Variants in LRRC4C observed in about 807,000 individuals in gnomAD.
LRRC4C encodes leucine rich repeat containing 4C.
A neutral mutation model predicts 33.6 loss-of-function variants in LRRC4C; 5 were observed. The observed-to-expected ratio is 0.15, with a 90% CI of 0.08 to 0.31. The LOEUF is 0.31. Among genes scored for constraint, LRRC4C ranks in the 10% least tolerant of loss-of-function variants. LRRC4C has a pLI of 1.00. For missense variants in LRRC4C, 560 were observed against 796.7 expected (o/e 0.70, Z 3.58); for synonymous variants, 329 against 302.0 (o/e 1.09, Z -0.93).
chr11:40,936,482 G>A (rs967172017), intron 1 of LRRC4C, among the ~76,000 whole-genome samples: 4 of 151,384 alleles, frequency 2.6e-5, no homozygotes, highest in East Asian at 2.0e-4. Context: ...GACTACAGGC[G>A]CCCGCCACCA....
chr11:40,597,260 T>C (rs1959438111), intron 3 of LRRC4C, among the ~76,000 whole-genome samples: 1 of 152,146 alleles, frequency 6.6e-6, no homozygotes. Flanking sequence ...TGCACCATAT[T>C]AGTCAAGAAA....
At chr11:40,672,660 C>T (rs1029249806) in intron 2 of LRRC4C, among the ~76,000 whole-genome samples, 4 of 152,192 alleles carry the variant, frequency 2.6e-5, no homozygotes, top group Non-Finnish European at 4.4e-5. Context: ...GAACTTCCTT[C>T]GATATGCCTT....
At chr11:40,303,287 T>C (rs1049861769) in intron 4 of LRRC4C, among the ~76,000 whole-genome samples, 5 of 152,106 alleles carry the variant, frequency 3.3e-5, no homozygotes, top group African/African-American at 9.6e-5. Flanking sequence ...GTTTTATTAA[T>C]TTGCGTATTT....
chr11:40,225,302 A>G (rs1000766616), intron 5 of LRRC4C, among the ~76,000 whole-genome samples: 5 of 152,202 alleles, frequency 3.3e-5, no homozygotes. Flanking sequence ...CTGACTCTGA[A>G]ACCAAGAAAA....
intron 3 of LRRC4C, among the ~76,000 whole-genome samples, chr11:40,346,465 T>A (rs2137049704): frequency 6.6e-6 from 1 of 152,218 alleles, no homozygotes; most frequent in African/African-American, 2.4e-5. Context: ...AATTAAATAG[T>A]GCATGTTCTC....
At chr11:40,559,721 C>G (rs1474211269) in intron 3 of LRRC4C, among the ~76,000 whole-genome samples, 1 of 152,094 alleles carries the variant, frequency 6.6e-6, no homozygotes, top group Non-Finnish European at 1.5e-5. Flanking sequence ...TTAAAAAACT[C>G]ATTATTTTTG....
chr11:40,358,637 A>G (rs1430120796), intron 3 of LRRC4C, among the ~76,000 whole-genome samples: 1 of 151,970 alleles, frequency 6.6e-6, no homozygotes, highest in Non-Finnish European at 1.5e-5. Flanking sequence ...CGTATTACTG[A>G]TCACTGCCAT....
chr11:41,199,396 A>G lies in LRRC4C; in HGVS notation c.-496+260035T>C, dbSNP rs182056567. Among the ~76,000 whole-genome samples the G allele has an allele frequency of 3.9e-5, 6 of 152,200 alleles. No individual in the cohort carries two copies. The East Asian group carries it at 1.2e-3, about 29-fold the overall frequency. ...CCTGTGGGTCTGTCAGGGAAGAAAG[A>G]AAAAACTAACAGTTTTCTGTAATAT... is the stretch of plus-strand genomic sequence containing the variant. On this transcript the variant is annotated intron_variant, in intron 1 of 6. Transcript: ENST00000528697.
At chr11:40,660,509 C>T (rs1438900838) in intron 2 of LRRC4C, among the ~76,000 whole-genome samples, 1 of 152,190 alleles carries the variant, frequency 6.6e-6, no homozygotes, top group African/African-American at 2.4e-5. Context: ...TTCTTGCTAA[C>T]CTTCTGAGGA....
chr11:41,366,415 A>AT (rs747098108), intron 1 of LRRC4C, among the ~76,000 whole-genome samples: 13 of 152,178 alleles, frequency 8.5e-5, no homozygotes, highest in African/African-American at 1.2e-4. Flanking sequence ...CAAAGACAAC[A>AT]TTTTTTTGAT....
intron 3 of LRRC4C, chr11:40,445,861 T>C (rs1413299704): frequency 6.6e-6 from 1 of 152,234 alleles, no homozygotes; most frequent in South Asian, 2.1e-4. Flanking sequence ...AGTTATCTGA[T>C]GTCTAGTGGG....
intron 1 of LRRC4C, among the ~76,000 whole-genome samples, chr11:41,278,669 T>C (rs1225215771): frequency 6.6e-6 from 1 of 152,228 alleles, no homozygotes; most frequent in East Asian, 1.9e-4. Flanking sequence ...ATTAAATTCC[T>C]GGGTGATGCT....
intron 3 of LRRC4C, among the ~76,000 whole-genome samples, chr11:40,575,256 C>T (rs970751008): frequency 5.9e-5 from 9 of 152,138 alleles, no homozygotes; most frequent in African/African-American, 2.2e-4. Context: ...GGGTTCCCAG[C>T]CATATGTAGT....
chr11:40,837,617 A>C (rs1591842332), intron 2 of LRRC4C, among the ~76,000 whole-genome samples: 1 of 150,120 alleles, frequency 6.7e-6, no homozygotes, highest in East Asian at 2.0e-4. Flanking sequence ...AGGCAGAAGG[A>C]TCACTAGAGA....
At chr11:40,272,959 A>C (rs1942818202) in intron 4 of LRRC4C, among the ~76,000 whole-genome samples, 1 of 148,870 alleles carries the variant, frequency 6.7e-6, no homozygotes, top group African/African-American at 2.4e-5. Context: ...TAGTGACTTA[A>C]GACGCTAATT....
intron 3 of LRRC4C, among the ~76,000 whole-genome samples, chr11:40,410,476 C>A (rs1950117980): frequency 6.6e-6 from 1 of 152,064 alleles, no homozygotes; most frequent in Non-Finnish European, 1.5e-5. Context: ...CCGTAATGAA[C>A]ACTGTGTGTA....
At chr11:41,207,597 CTTTCCCTCTCCCTCTCTT>C (rs1401719926) in intron 1 of LRRC4C, among the ~76,000 whole-genome samples, 17 of 151,996 alleles carry the variant, frequency 1.1e-4, no homozygotes, top group Non-Finnish European at 2.5e-4. Context: ...TCCACTGCCA[CTTTCCCTCTCCCTCTCTT>C]TTTCCCTCTC....
chr11:40,630,266 T>G (rs1165170181), intron 3 of LRRC4C, among the ~76,000 whole-genome samples: 1 of 152,062 alleles, frequency 6.6e-6, no homozygotes, highest in Non-Finnish European at 1.5e-5. Context: ...TAAGACCAGA[T>G]ATAGTTTAAA....
At chr11:41,363,876 T>C (rs1021012818) in intron 1 of LRRC4C, among the ~76,000 whole-genome samples, 5 of 152,182 alleles carry the variant, frequency 3.3e-5, no homozygotes, top group Non-Finnish European at 5.9e-5. Context: ...AGTTAAATTG[T>C]AGTCACTTCA....
Sources: gnomAD v4.1 joint callset for allele counts (sites outside exome capture counted in the v4.1 genomes callset) on GRCh38, gnomAD v4.1.1 for gene constraint, MANE v1.5 for transcripts, NCBI Gene and HGNC (gene_info 2026-07-23, HGNC 2026-07-21) for gene names.